CNOT6L: variants seen among roughly 807,000 people sequenced by gnomAD.
CNOT6L encodes the protein CCR4-NOT transcription complex subunit 6-like.
A neutral mutation model predicts 64.0 loss-of-function variants in CNOT6L; 7 were observed. That is an observed-to-expected ratio of 0.11 (90% CI 0.06 to 0.21). The LOEUF (loss-of-function observed/expected upper bound fraction) is 0.21. Among genes scored for constraint, CNOT6L ranks in the 10% least tolerant of loss-of-function variants. CNOT6L has a pLI of 1.00. For synonymous variants in CNOT6L, 193 were observed against 243.4 expected, an observed-to-expected ratio of 0.79 and a Z score of 1.93; for missense variants, 245 against 669.0, an observed-to-expected ratio of 0.37 and a Z score of 6.99.
chr4:77,780,382 T>C (rs1728721059), intron 1 of CNOT6L, among the ~76,000 whole-genome samples: 1 of 152,158 alleles, frequency 6.6e-6, no homozygotes, highest in African/African-American at 2.4e-5. Context: ...TCTCAAAAGA[T>C]CCTCCCATTA....
chr4:77,714,229 T>C lies in CNOT6L; in HGVS notation c.*6202A>G, dbSNP rs571319083. 1 of 152,440 alleles carries C rather than the reference T, an allele frequency of 6.6e-6. No homozygotes were observed. Among genetic ancestry groups the C allele is most frequent in the Admixed American group, 6.6e-5 (1 of 15,242 alleles). The allele number at this position is 152,440 out of a possible 1,614,324, so 9.4% of individuals were successfully genotyped here. A position where few individuals can be genotyped will look rare whatever the true frequency, so the allele number is the denominator to read the frequency against. On this transcript the variant is annotated 3_prime_UTR_variant, in exon 12 of 12. Transcript: ENST00000504123. ...CAAATGTATGCAAAATAATGAATTC[T>C]TTAACTTAATGCCAGGTAATGAAAA...
At chr4:77,819,399 C>T (rs1734043150), upstream of CNOT6L, 1 of 1,605,922 alleles carries the variant, frequency 6.2e-7, no homozygotes. Flanking sequence ...GCACCAGGCC[C>T]CCACAGATGC....
intron 3 of CNOT6L, among the ~76,000 whole-genome samples, chr4:77,773,944 T>C (rs1443304131): frequency 6.6e-6 from 1 of 152,104 alleles, no homozygotes; most frequent in Non-Finnish European, 1.5e-5. Context: ...TAAAGGATAG[T>C]GAAGAACAAG....
chr4:77,819,348 C>T lies in CNOT6L; in HGVS notation c.-40G>A. 1.2e-6 allele frequency: 2 copies of T among 1,613,092 alleles called. No individual in the cohort carries two copies. The highest frequency in any genetic ancestry group is 1.7e-6 in the Non-Finnish European group (2 of 1,179,498). ...CCAGAAGCAACAGCAGCCATTTCCC[C>T]GCGGCAGGGGAAACACACACACAAA... On this transcript the variant is annotated 5_prime_UTR_variant, in exon 1 of 12. Transcript: ENST00000504123.
chr4:77,777,962 T>C (rs926053377), intron 1 of CNOT6L, among the ~76,000 whole-genome samples: 6 of 152,226 alleles, frequency 3.9e-5, no homozygotes, highest in African/African-American at 7.2e-5. Context: ...AAGTTTTCCA[T>C]ATCTGTTCAT....
intron 10 of CNOT6L, among the ~76,000 whole-genome samples, 166 bp from the exon 11 acceptor site, chr4:77,726,535 C>T (rs1239876767): frequency 1.3e-5 from 2 of 152,136 alleles, no homozygotes; most frequent in African/African-American, 4.8e-5. Context: ...AAATCAAATA[C>T]CAGCCATTTC....
At chr4:77,775,969 T>G (rs1728095845) in intron 2 of CNOT6L, among the ~76,000 whole-genome samples, 1 of 152,136 alleles carries the variant, frequency 6.6e-6, no homozygotes, top group African/African-American at 2.4e-5. Flanking sequence ...AGATTTCAAT[T>G]TGCAAAAATA....
chr4:77,797,120 A>AAAAC (rs1277727490), intron 1 of CNOT6L, among the ~76,000 whole-genome samples: 2 of 150,968 alleles, frequency 1.3e-5, no homozygotes, highest in Admixed American at 1.3e-4. Flanking sequence ...AAAAAAAAAA[A>AAAAC]AAAAAACTGC....
intron 7 of CNOT6L, among the ~76,000 whole-genome samples, chr4:77,744,057 A>G (rs532727955): frequency 4.5e-4 from 68 of 152,322 alleles, no homozygotes; most frequent in African/African-American, 1.6e-3. Flanking sequence ...GTCAATTAAA[A>G]ATTTTTAAAC....
chr4:77,819,268 C>G, intron 1 of CNOT6L, 36 bp downstream of exon 1: 1 of 1,613,656 alleles, frequency 6.2e-7, no homozygotes, highest in Non-Finnish European at 8.5e-7. Flanking sequence ...CTTCCCAACA[C>G]TCTCGGTCCT....
intron 1 of CNOT6L, among the ~76,000 whole-genome samples, chr4:77,783,922 A>G (rs1462097818): frequency 1.3e-5 from 2 of 149,754 alleles, no homozygotes; most frequent in Non-Finnish European, 3.0e-5. Context: ...TTAATATATT[A>G]AATATATCTC....
At chr4:77,753,538 G>A (rs1007878034) in intron 5 of CNOT6L, among the ~76,000 whole-genome samples, 2 of 152,084 alleles carry the variant, frequency 1.3e-5, no homozygotes, top group African/African-American at 4.8e-5. Context: ...AGGCGTGGTG[G>A]TGTGTGCCTC....
intron 1 of CNOT6L, among the ~76,000 whole-genome samples, chr4:77,791,219 T>C (rs1203774129): frequency 1.3e-5 from 2 of 152,150 alleles, no homozygotes; most frequent in African/African-American, 2.4e-5. Flanking sequence ...GGAGCTGCAG[T>C]GCGCCAAGAT....
At chr4:77,736,774 C>T (rs186384927) in intron 8 of CNOT6L, among the ~76,000 whole-genome samples, 143 of 151,894 alleles carry the variant, frequency 9.4e-4, no homozygotes, top group African/African-American at 3.4e-3. Context: ...AGCATTATTC[C>T]TGATGATATT....
At chr4:77,819,052 A>ACACACACACG (rs1553900887) in intron 1 of CNOT6L, 1 of 650,912 alleles carries the variant, frequency 1.5e-6, no homozygotes, top group Non-Finnish European at 2.7e-6. Flanking sequence ...CACCCCCGAC[A>ACACACACACG]CACACACACA....
chr4:77,759,801 T>C (rs188597018), intron 4 of CNOT6L, among the ~76,000 whole-genome samples: 8 of 152,210 alleles, frequency 5.3e-5, no homozygotes, highest in Non-Finnish European at 1.2e-4. Context: ...ATCAACCAAC[T>C]TGGCCTATTA....
chr4:77,721,431 CT>C (rs1721265362), intron 11 of CNOT6L, among the ~76,000 whole-genome samples: 1 of 152,048 alleles, frequency 6.6e-6, no homozygotes, highest in African/African-American at 2.4e-5. Flanking sequence ...TATCTAGTTC[CT>C]ATTCATATCA....
intron 1 of CNOT6L, among the ~76,000 whole-genome samples, chr4:77,799,949 G>A (rs1048471031): frequency 1.3e-5 from 2 of 151,638 alleles, no homozygotes; most frequent in African/African-American, 4.8e-5. Flanking sequence ...CCAATTTCGG[G>A]CTCTGCCTCT....
At chr4:77,756,416 A>G (rs1725582438) in intron 5 of CNOT6L, among the ~76,000 whole-genome samples, 1 of 152,222 alleles carries the variant, frequency 6.6e-6, no homozygotes, top group South Asian at 2.1e-4. Flanking sequence ...AATGAATCAA[A>G]CTAGTCATTT....
Sources: allele counts gnomAD v4.1 joint callset (sites outside exome capture counted in the v4.1 genomes callset), GRCh38; gene constraint gnomAD v4.1.1; transcripts MANE v1.5; gene names NCBI Gene and HGNC (gene_info 2026-07-23, HGNC 2026-07-21).